Variants in DSCAML1 observed in about 807,000 individuals in gnomAD.
DSCAML1 encodes cell adhesion molecule DSCAML1.
Under a neutral mutation model 200.5 loss-of-function variants are expected in DSCAML1, and 38 were observed. That is an observed-to-expected ratio of 0.19 (90% confidence interval 0.15 to 0.25). The LOEUF is 0.25. Among genes scored for constraint, DSCAML1 ranks in the 10% least tolerant of loss-of-function variants. The pLI is 1.00. For synonymous variants in DSCAML1, 1,215 were observed against 1,165.0 expected (o/e 1.04, Z -0.87); for missense variants, 2,223 against 2,858.8 (o/e 0.78, Z 5.07).
rs961408270 is a variant in DSCAML1 at position 117,489,283 on chromosome 11, C to T, written c.2360-7121G>A. On this transcript the variant is annotated intron_variant, in intron 11 of 32. Transcript: ENST00000651296. This position sits in a 1 kb window ranked among gnomAD's most constrained non-coding sequence, Gnocchi z 4.8. The stretch of plus-strand genomic sequence containing the variant: ...GCTTTAGGGGTGCAGGCGGGAGAGC[C>T]GGGGTGGGGTATATGCACAGGGCTG... 5.9e-5 allele frequency among the ~76,000 whole-genome samples: 9 copies of T among 152,156 alleles called. No individual in the cohort carries two copies. The highest frequency in any genetic ancestry group is 1.9e-4 in the East Asian group (1 of 5,180).
chr11:117,442,162 T>C (rs1197258330), intron 21 of DSCAML1, among the ~76,000 whole-genome samples: 1 of 152,004 alleles, frequency 6.6e-6, no homozygotes, highest in East Asian at 1.9e-4. Flanking sequence ...TGTATATGCG[T>C]ATATGCATGT....
At chr11:117,760,880 C>A (rs1672374410) in intron 3 of DSCAML1, among the ~76,000 whole-genome samples, 1 of 152,158 alleles carries the variant, frequency 6.6e-6, no homozygotes, top group Admixed American at 6.5e-5. Context: ...GATGAGGAAA[C>A]TGACATCCAG....
At chr11:117,693,167 G>T (rs1395667594) in intron 3 of DSCAML1, among the ~76,000 whole-genome samples, 1 of 152,182 alleles carries the variant, frequency 6.6e-6, no homozygotes, top group East Asian at 1.9e-4. Flanking sequence ...AGCCAGCCAA[G>T]ACACCCTAAG....
chr11:117,535,996 A>G lies in DSCAML1; in HGVS notation c.512-3474T>C, dbSNP rs1204225358. ...CTGCATCTGATGTTTCACATCCTTCATTGTCCTCATTTTCCCCTCCCTCCC... is the reference window on the plus strand; with the variant it reads ...CTGCATCTGATGTTTCACATCCTTCGTTGTCCTCATTTTCCCCTCCCTCCC... On this transcript the variant is annotated intron_variant, in intron 3 of 32. Coordinates refer to ENST00000651296, the MANE Select transcript of DSCAML1 (RefSeq NM_020693.4). 2.6e-5 allele frequency among the ~76,000 whole-genome samples: 4 copies of G among 151,830 alleles called. No individual in the cohort carries two copies. The East Asian group carries it at 7.7e-4, about 29-fold the overall frequency.
chr11:117,518,420 A>C lies in DSCAML1; in HGVS notation c.1510+46T>G. Reference sequence around the variant, plus strand: ...GAATAATGGTAACCACAGAGATGGCAAAGGAACTCAAAAACCTATTCTGAT... The same window carrying C: ...GAATAATGGTAACCACAGAGATGGCCAAGGAACTCAAAAACCTATTCTGAT... On this transcript the variant is annotated intron_variant, in intron 7 of 32. Coordinates refer to ENST00000651296, the MANE Select transcript of DSCAML1 (RefSeq NM_020693.4). The surrounding 1 kb of genome is among the most constrained non-coding windows in gnomAD (Gnocchi z 6.3). 6.2e-7 allele frequency: 1 copy of C among 1,610,958 alleles called. No homozygotes were observed. The highest frequency in any genetic ancestry group is 2.2e-5 in the East Asian group (1 of 44,874).
intron 3 of DSCAML1, among the ~76,000 whole-genome samples, chr11:117,583,227 C>T (rs2051077003): frequency 6.6e-6 from 1 of 151,996 alleles, no homozygotes; most frequent in African/African-American, 2.4e-5. Flanking sequence ...GTGCAGCTTC[C>T]CTTACCAGCC....
intron 3 of DSCAML1, among the ~76,000 whole-genome samples, chr11:117,699,678 C>A (rs976472328): frequency 1.3e-5 from 2 of 152,210 alleles, no homozygotes; most frequent in African/African-American, 4.8e-5. Context: ...CGGGCCATCC[C>A]CGCCCAGTAC....
intron 1 of DSCAML1, among the ~76,000 whole-genome samples, chr11:117,784,417 A>G (rs2055314356): frequency 6.6e-6 from 1 of 152,264 alleles, no homozygotes; most frequent in South Asian, 2.1e-4. Flanking sequence ...ACTGAGGCAC[A>G]GACCAGCAAA....
In DSCAML1 at chr11:117,433,438, C is replaced by T. The variant is rs2047845499; in HGVS notation, c.4907+3G>A. 3 of 1,613,162 alleles carry T rather than the reference C, an allele frequency of 1.9e-6. No individual in the cohort carries two copies. Among genetic ancestry groups the T allele is most frequent in the South Asian group, 2.2e-5 (2 of 90,656 alleles). On this transcript the variant is annotated splice_donor_region_variant and intron_variant, in intron 28 of 32. Transcript: ENST00000651296. ...AGAAAGGAAGCAGCTTGGTGATACC[C>T]ACCTTATCAACATTTCTGCCAAACT...
chr11:117,616,865 C>A (rs2051820545), intron 3 of DSCAML1, among the ~76,000 whole-genome samples: 1 of 152,138 alleles, frequency 6.6e-6, no homozygotes, highest in African/African-American at 2.4e-5. Flanking sequence ...CCGTGATTGA[C>A]TTTAAAATAG....
intron 3 of DSCAML1, among the ~76,000 whole-genome samples, chr11:117,743,346 T>C: frequency 6.6e-6 from 1 of 152,164 alleles, no homozygotes; most frequent in East Asian, 1.9e-4. Flanking sequence ...AGTATCCACA[T>C]GGCTGCACAC....
chr11:117,767,113 A>G (rs1238324757), intron 3 of DSCAML1, among the ~76,000 whole-genome samples: 1 of 152,148 alleles, frequency 6.6e-6, no homozygotes, highest in Admixed American at 6.5e-5. Flanking sequence ...CGGGCTTTAT[A>G]AACCGGAGAG....
rs188976888 is a variant in DSCAML1, at chr11:117,572,379, T to G, written c.512-39857A>C. Among the ~76,000 whole-genome samples the G allele has an allele frequency of 8.5e-5, 13 of 152,314 alleles. No homozygotes were observed. The East Asian group carries it at 2.5e-3, about 29-fold the overall frequency. ...GAGGAAATGTCACCCAGCTGGCTGG[T>G]GAGGAAGCCTGGAGGAAGTCAGGGT... On this transcript the variant is annotated intron_variant, in intron 3 of 32. Transcript: ENST00000651296.
chr11:117,767,117 C>T (rs1027825022), intron 3 of DSCAML1, among the ~76,000 whole-genome samples: 2 of 152,076 alleles, frequency 1.3e-5, no homozygotes, highest in African/African-American at 4.8e-5. Context: ...CTTTATAAAC[C>T]GGAGAGCACC....
At chr11:117,481,814 G>T in intron 12 of DSCAML1, 149 bp downstream of exon 12, 1 of 779,854 alleles carries the variant, frequency 1.3e-6, no homozygotes, top group Non-Finnish European at 2.1e-6. Flanking sequence ...ATGGAGAGGG[G>T]AAATAGGTGG....
intron 3 of DSCAML1, among the ~76,000 whole-genome samples, chr11:117,620,613 C>T (rs1223069796): frequency 6.6e-6 from 1 of 152,220 alleles, no homozygotes; most frequent in Admixed American, 6.5e-5. Flanking sequence ...CTGTCCTCTC[C>T]TCCCGCATGT....
At chr11:117,750,637 C>A (rs980876917) in intron 3 of DSCAML1, among the ~76,000 whole-genome samples, 2 of 152,168 alleles carry the variant, frequency 1.3e-5, no homozygotes, top group African/African-American at 4.8e-5. Context: ...GAGTGTAGGC[C>A]TCTGTGCTTA....
Position 117,504,696 on chromosome 11 carries a change from A to G in DSCAML1, c.2182+228T>C, listed in dbSNP as rs889507898. 6.9e-6 allele frequency among the ~76,000 whole-genome samples: 1 copy of G among 144,364 alleles called. No homozygotes were observed. The highest frequency in any genetic ancestry group is 6.9e-5 in the Admixed American group (1 of 14,596). The allele number at this position is 144,364 out of a possible 152,430, so 94.7% of individuals were successfully genotyped here. ...AGGAGAGGTCGCGTCTGGGGGGACA[A>G]GAGGAAATACGGAGTCAGCATGATG... On this transcript the variant is annotated intron_variant, in intron 10 of 32. Coordinates refer to ENST00000651296, the MANE Select transcript of DSCAML1 (RefSeq NM_020693.4). This position sits in a 1 kb window ranked among gnomAD's most constrained non-coding sequence, Gnocchi z 5.0.
chr11:117,588,775 G>T (rs1437385195), intron 3 of DSCAML1, among the ~76,000 whole-genome samples: 1 of 152,210 alleles, frequency 6.6e-6, no homozygotes, highest in African/African-American at 2.4e-5. Context: ...ACTAGGAGGG[G>T]AGGCTGAGGC....
Sources: allele counts gnomAD v4.1 joint callset (sites outside exome capture counted in the v4.1 genomes callset), GRCh38; gene constraint gnomAD v4.1.1; non-coding constraint Gnocchi (gnomAD v3.1); transcripts MANE v1.5; gene names NCBI Gene and HGNC (gene_info 2026-07-23, HGNC 2026-07-21).